Variants in ATP8A1 observed in about 807,000 individuals in gnomAD.
The protein encoded by ATP8A1 is ATPase phospholipid transporting 8A1.
ATP8A1 carries 90 observed loss-of-function variants against 177.7 expected under a neutral mutation model. The observed-to-expected ratio is 0.51, with a 90% CI of 0.43 to 0.60. The LOEUF (loss-of-function observed/expected upper bound fraction) is 0.60, where lower values mean the gene tolerates loss of function less well. Among genes scored for constraint, ATP8A1 ranks in the 20% least tolerant of loss-of-function variants. ATP8A1 has a pLI of 0.00. For synonymous variants in ATP8A1, 493 were observed against 485.9 expected, an observed-to-expected ratio of 1.01 and a Z score of -0.19; for missense variants, 1,072 against 1,392.8, an observed-to-expected ratio of 0.77 and a Z score of 3.67.
intron 5 of ATP8A1, among the ~76,000 whole-genome samples, chr4:42,611,305 A>G (rs1031098461): frequency 3.3e-5 from 5 of 152,210 alleles, no homozygotes; most frequent in African/African-American, 9.6e-5. Flanking sequence ...TGTCTAGTTT[A>G]AAAGAATTTC....
chr4:42,605,844 C>T (rs892769557), intron 5 of ATP8A1, among the ~76,000 whole-genome samples: 2 of 152,194 alleles, frequency 1.3e-5, no homozygotes, highest in African/African-American at 4.8e-5. Flanking sequence ...ATGTACACAT[C>T]TAAGAAACTT....
chr4:42,576,914 T>C (rs1266497470), intron 12 of ATP8A1, among the ~76,000 whole-genome samples: 1 of 152,204 alleles, frequency 6.6e-6, no homozygotes, highest in Non-Finnish European at 1.5e-5. Context: ...GTTCAGATAT[T>C]TTGCAAGACT....
intron 14 of ATP8A1, among the ~76,000 whole-genome samples, chr4:42,572,873 A>T (rs1229540173): frequency 2.6e-5 from 4 of 152,218 alleles, no homozygotes; most frequent in South Asian, 2.1e-4. Context: ...ACAAAGCCAG[A>T]ACTCATGGCT....
At chr4:42,643,233 A>G (rs1200012662) in intron 1 of ATP8A1, among the ~76,000 whole-genome samples, 1 of 152,228 alleles carries the variant, frequency 6.6e-6, no homozygotes, top group Non-Finnish European at 1.5e-5. Context: ...CATTTACTGA[A>G]ATTCTAAAGA....
chr4:42,591,644 T>C (rs975250716), intron 6 of ATP8A1, among the ~76,000 whole-genome samples: 4 of 152,170 alleles, frequency 2.6e-5, no homozygotes, highest in Non-Finnish European at 1.5e-5. Flanking sequence ...GGACTTGAAT[T>C]AACAGCTTGA....
At chr4:42,497,099 A>G (rs116259828) in intron 24 of ATP8A1, among the ~76,000 whole-genome samples, 1,987 of 152,286 alleles carry the variant, frequency 0.013, 48 homozygotes, top group African/African-American at 0.045. Flanking sequence ...CTTTCTGCAA[A>G]TGAGTTACTG....
chr4:42,608,473 C>T (rs1197735958), intron 5 of ATP8A1, among the ~76,000 whole-genome samples: 1 of 152,006 alleles, frequency 6.6e-6, no homozygotes, highest in Non-Finnish European at 1.5e-5. Context: ...AATTCTCCTG[C>T]CTCAGCCTCC....
intron 25 of ATP8A1, among the ~76,000 whole-genome samples, chr4:42,483,848 T>C (rs563367736): frequency 6.6e-6 from 1 of 152,316 alleles, no homozygotes; most frequent in South Asian, 2.1e-4. Flanking sequence ...GAAAGAAAGA[T>C]ACATGAAGGA....
chr4:42,625,697 T>G lies in ATP8A1; in HGVS notation c.181A>C (p.Ile61Leu), dbSNP rs147391791. ...AGAAATCTTGGAAGGAATGTGATTA[T>G]GTTGTATTTTGCAGTGCTAGAAAAC... The part of the protein sequence containing the change: ...NNHVSTAKYN[I>L]ITFLPRFLYS... Residue 61 changes from isoleucine to leucine, a missense_variant, in exon 3 of 37, where the codon ATA becomes CTA. By Grantham distance (5) the Ile-to-Leu change is conservative (BLOSUM62 2). Around this residue, in one of 5 missense-constraint regions of ATP8A1, gnomAD observed 344 missense variants for 393.5 expected, o/e 0.87. Transcript: ENST00000381668. 2.2e-5 allele frequency: 36 copies of G among 1,601,402 alleles called. No homozygotes were observed. Among genetic ancestry groups the G allele is most frequent in the Non-Finnish European group, 2.9e-5 (34 of 1,173,598 alleles).
At chr4:42,533,955 C>T (rs1011281850) in intron 20 of ATP8A1, among the ~76,000 whole-genome samples, 1 of 152,232 alleles carries the variant, frequency 6.6e-6, no homozygotes, top group African/African-American at 2.4e-5. Context: ...CAGTAAGCCC[C>T]ATCCCTAGAG....
In ATP8A1 at chr4:42,412,534, C is replaced by T. The variant is rs1265785231; in HGVS notation, c.*382G>A. On this transcript the variant is annotated 3_prime_UTR_variant, in exon 37 of 37. Coordinates refer to ENST00000381668, the MANE Select transcript of ATP8A1 (RefSeq NM_006095.2). ...ACCAAGAGTCCCTTTAACTAAATAT[C>T]ATTTAGAGTTTTTTAATGGTTGGTT... The T allele has an allele frequency of 6.4e-6, 1 of 156,128 alleles. No homozygotes were observed. The highest frequency in any genetic ancestry group is 1.4e-5 in the Non-Finnish European group (1 of 70,938). 9.7% of individuals were successfully genotyped at this position (156,128 alleles called of 1,614,324 possible).
intron 12 of ATP8A1, among the ~76,000 whole-genome samples, chr4:42,576,400 C>T (rs766602636): frequency 1.3e-4 from 18 of 137,360 alleles, no homozygotes; most frequent in Non-Finnish European, 2.4e-4. Flanking sequence ...GGCGTGAACC[C>T]GGGTGGCAAA....
chr4:42,554,151 C>T (rs1009470310), intron 16 of ATP8A1, among the ~76,000 whole-genome samples: 8 of 152,028 alleles, frequency 5.3e-5, no homozygotes, highest in Admixed American at 2.0e-4. Context: ...CTGTCATGGG[C>T]AACAATAACT....
chr4:42,517,134 T>G (rs1333184165), intron 22 of ATP8A1, among the ~76,000 whole-genome samples: 1 of 151,938 alleles, frequency 6.6e-6, no homozygotes, highest in Admixed American at 6.6e-5. Flanking sequence ...ACCCCGTCTC[T>G]ACTAAAAATA....
At chr4:42,563,732 A>T (rs1731075120) in intron 15 of ATP8A1, among the ~76,000 whole-genome samples, 1 of 152,200 alleles carries the variant, frequency 6.6e-6, no homozygotes, top group South Asian at 2.1e-4. Context: ...CTAGTGCTTC[A>T]GAGGGTGGAA....
At chr4:42,576,039 C>G (rs145643436) in intron 12 of ATP8A1, among the ~76,000 whole-genome samples, 81 of 152,056 alleles carry the variant, frequency 5.3e-4, no homozygotes, top group Admixed American at 2.9e-3. Context: ...CTACTGTGTC[C>G]GACACAAGGC....
rs373621394 is a variant in ATP8A1 at position 42,548,968 on chromosome 4, T to C, written c.1652+45A>G. ...TCAAAAGGGAAAAAATAAAAATGGA[T>C]ATAAATTTATCTTATCCATACAAAT... On this transcript the variant is annotated intron_variant, in intron 19 of 36. Coordinates refer to ENST00000381668, the MANE Select transcript of ATP8A1 (RefSeq NM_006095.2). 2.2e-5 allele frequency: 31 copies of C among 1,438,710 alleles called. No individual in the cohort carries two copies. The African/African-American group carries it at 4.0e-4, about 19-fold the overall frequency. The allele number at this position is 1,438,710 out of a possible 1,614,324, so 89.1% of individuals were successfully genotyped here. A position where few individuals can be genotyped will look rare whatever the true frequency, so the allele number is the denominator to read the frequency against.
intron 27 of ATP8A1, among the ~76,000 whole-genome samples, chr4:42,458,617 G>A (rs80295163): frequency 0.025 from 3,810 of 152,306 alleles, 145 homozygotes; most frequent in African/African-American, 0.085. Flanking sequence ...TCGTCTGGCT[G>A]TAATTTACAG....
intron 9 of ATP8A1, among the ~76,000 whole-genome samples, chr4:42,584,039 G>T (rs1733373566): frequency 1.3e-5 from 2 of 152,210 alleles, no homozygotes; most frequent in African/African-American, 4.8e-5. Context: ...ACGGATTACA[G>T]GAAAGCTTTT....
Sources: gnomAD v4.1 joint callset for allele counts (sites outside exome capture counted in the v4.1 genomes callset) on GRCh38, gnomAD v4.1.1 for gene constraint, gnomAD v4.1.1 regional missense constraint, MANE v1.5 for transcripts, NCBI Gene and HGNC (gene_info 2026-07-23, HGNC 2026-07-21) for gene names.